BMPR1A: variants seen among roughly 807,000 people sequenced by gnomAD.
BMPR1A encodes the protein bone morphogenetic protein receptor type 1A, also known as bone morphogenetic protein receptor type-1A.
In BMPR1A, 7 loss-of-function variants were observed where a neutral mutation model predicts 66.0. That is an observed-to-expected ratio of 0.11 (90% CI 0.06 to 0.20). The LOEUF (loss-of-function observed/expected upper bound fraction) is 0.20, where lower values mean the gene tolerates loss of function less well. Ranked by LOEUF, BMPR1A falls within the 10% of genes least tolerant of loss-of-function variation. The pLI is 1.00. For synonymous variants in BMPR1A, 200 were observed against 229.7 expected, an observed-to-expected ratio of 0.87 and a Z score of 1.17; for missense variants, 408 against 669.1, an observed-to-expected ratio of 0.61 and a Z score of 4.31.
chr10:86,906,748 A>AAC (rs1377612187), intron 7 of BMPR1A, among the ~76,000 whole-genome samples: 1 of 138,252 alleles, frequency 7.2e-6, no homozygotes, highest in Non-Finnish European at 1.6e-5. Flanking sequence ...AAAAAAAAAA[A>AAC]AAAAAAAAAA....
At chr10:86,923,240 A>AG in intron 11 of BMPR1A, 136 bp from the exon 12 acceptor site, 1 of 1,194,780 alleles carries the variant, frequency 8.4e-7, no homozygotes, top group Non-Finnish European at 1.2e-6. Context: ...TACTATTAAG[A>AG]GTGAATCATA....
chr10:86,892,629 A>G (rs993815894), intron 5 of BMPR1A, among the ~76,000 whole-genome samples: 1 of 152,092 alleles, frequency 6.6e-6, no homozygotes, highest in Middle Eastern at 3.4e-3. Context: ...AGGTTTTACC[A>G]TGTTGCCCAG....
At chr10:86,801,169 T>C (rs1841806320) in intron 1 of BMPR1A, among the ~76,000 whole-genome samples, 1 of 152,228 alleles carries the variant, frequency 6.6e-6, no homozygotes, top group South Asian at 2.1e-4. Flanking sequence ...AGACAGGGTC[T>C]CATTCTGTCA....
chr10:86,912,164 A>C (rs1254127073), intron 7 of BMPR1A, 76 bp from the exon 8 acceptor site: 1 of 1,495,588 alleles, frequency 6.7e-7, no homozygotes, highest in Non-Finnish European at 9.2e-7. Context: ...ATAATGGTAT[A>C]GAGAACCTCA....
Position 86,838,993 on chromosome 10 carries a change from CAT to C in BMPR1A, c.-153+16_-153+17del, listed in dbSNP as rs1304977679. On this transcript the variant is annotated intron_variant, in intron 2 of 12. Transcript: ENST00000372037. ...CACATCTTGGAGGTAAGGAAAAGAACATAATTTAGAATAATATGAAATTTCTC... is the reference window on the plus strand; with the variant it reads ...CACATCTTGGAGGTAAGGAAAAGAACAATTTAGAATAATATGAAATTTCTC... 1 of 152,094 alleles carries C rather than the reference CAT, an allele frequency of 6.6e-6. No individual in the cohort carries two copies. The highest frequency in any genetic ancestry group is 1.5e-5 in the Non-Finnish European group (1 of 68,020). The allele number at this position is 152,094 out of a possible 1,614,324, so 9.4% of individuals were successfully genotyped here.
At chr10:86,824,112 T>TGTGTGTGTGTGTTTGTGTGTG (rs1564695887) in intron 1 of BMPR1A, among the ~76,000 whole-genome samples, 1 of 151,736 alleles carries the variant, frequency 6.6e-6, no homozygotes, top group Admixed American at 6.6e-5. Context: ...TGTGTGTGTG[T>TGTGTGTGTGTGTTTGTGTGTG]TTCTTTCAGT....
intron 1 of BMPR1A, among the ~76,000 whole-genome samples, chr10:86,818,599 A>T (rs1484739286): frequency 6.6e-6 from 1 of 152,180 alleles, no homozygotes; most frequent in Non-Finnish European, 1.5e-5. Flanking sequence ...TCCTATAGGG[A>T]GGGCAGTAGT....
At chr10:86,758,585 CTTA>C (rs911358608) in intron 1 of BMPR1A, among the ~76,000 whole-genome samples, 2 of 152,124 alleles carry the variant, frequency 1.3e-5, no homozygotes, top group South Asian at 2.1e-4. Context: ...CTTTTCAAAT[CTTA>C]TTAACATTTT....
At chr10:86,761,763 A>C (rs1028094707) in intron 1 of BMPR1A, among the ~76,000 whole-genome samples, 1 of 152,178 alleles carries the variant, frequency 6.6e-6, no homozygotes, top group Non-Finnish European at 1.5e-5. Flanking sequence ...TGGATGAGAG[A>C]AGGAATGGGA....
At chr10:86,764,026 C>A (rs964763268) in intron 1 of BMPR1A, among the ~76,000 whole-genome samples, 1 of 152,056 alleles carries the variant, frequency 6.6e-6, no homozygotes, top group Non-Finnish European at 1.5e-5. Context: ...CTCCTGACCT[C>A]GTGATCCTCC....
chr10:86,835,257 A>G (rs1842324478), intron 1 of BMPR1A, among the ~76,000 whole-genome samples: 1 of 150,578 alleles, frequency 6.6e-6, no homozygotes, highest in Admixed American at 6.6e-5. Context: ...AAGAAAAAAA[A>G]AAAAAACAGA....
intron 3 of BMPR1A, among the ~76,000 whole-genome samples, chr10:86,888,641 G>A (rs1177075349): frequency 6.6e-6 from 1 of 151,842 alleles, no homozygotes; most frequent in Non-Finnish European, 1.5e-5. Context: ...AACCTGAGCA[G>A]TATAGGGAGA....
intron 2 of BMPR1A, among the ~76,000 whole-genome samples, chr10:86,850,041 C>T (rs1185540685): frequency 6.6e-6 from 1 of 152,100 alleles, no homozygotes; most frequent in African/African-American, 2.4e-5. Context: ...ACTACTCAGG[C>T]CGGGTGCAGT....
intron 1 of BMPR1A, among the ~76,000 whole-genome samples, chr10:86,768,454 G>A (rs866049744): frequency 3.3e-5 from 5 of 151,952 alleles, no homozygotes; most frequent in Non-Finnish European, 7.4e-5. Flanking sequence ...TGTGTTCACA[G>A]GCCTTTGTTC....
At position 86,791,619 on chromosome 10, in the gene BMPR1A, A is replaced by C. The variant is rs76781188; in HGVS notation, c.-268+34700A>C. 1.4e-3 allele frequency among the ~76,000 whole-genome samples: 213 copies of C among 151,948 alleles called. 5 individuals are homozygous for C. The East Asian group carries it at 0.036, about 26-fold the overall frequency. On this transcript the variant is annotated intron_variant, in intron 1 of 12. Coordinates refer to ENST00000372037, the MANE Select transcript of BMPR1A (RefSeq NM_004329.3). Reference sequence around the variant, plus strand: ...GATACATGAACTAATGAAGAAAAAAAAAAAGCCCTGTCCATCTCATTAAGA... The same window carrying C: ...GATACATGAACTAATGAAGAAAAAACAAAAGCCCTGTCCATCTCATTAAGA...
At chr10:86,808,513 A>G (rs1168201580) in intron 1 of BMPR1A, among the ~76,000 whole-genome samples, 5 of 152,294 alleles carry the variant, frequency 3.3e-5, no homozygotes, top group Admixed American at 2.0e-4. Flanking sequence ...TATTTCATGT[A>G]ACGTCAATTC....
chr10:86,861,812 A>C (rs1296163120), intron 2 of BMPR1A, among the ~76,000 whole-genome samples: 1 of 152,242 alleles, frequency 6.6e-6, no homozygotes, highest in Non-Finnish European at 1.5e-5. Context: ...TCTTGACACA[A>C]GTCAGGGATG....
chr10:86,850,487 G>A (rs1447348614), intron 2 of BMPR1A, among the ~76,000 whole-genome samples: 1 of 152,148 alleles, frequency 6.6e-6, no homozygotes, highest in African/African-American at 2.4e-5. Context: ...AATTCAGCAC[G>A]GTCTGGGATT....
chr10:86,804,249 CTTTT>C (rs1841853227), intron 1 of BMPR1A, among the ~76,000 whole-genome samples: 1 of 151,948 alleles, frequency 6.6e-6, no homozygotes, highest in Non-Finnish European at 1.5e-5. Context: ...ACATAGTTTT[CTTTT>C]ATTTTGAGAC....
Sources: allele counts gnomAD v4.1 joint callset (sites outside exome capture counted in the v4.1 genomes callset), GRCh38; gene constraint gnomAD v4.1.1; transcripts MANE v1.5; gene names NCBI Gene and HGNC (gene_info 2026-07-23, HGNC 2026-07-21).